UQCC6: variants seen among roughly 807,000 people sequenced by gnomAD.
UQCC6 encodes protein BRAWNIN.
At chr12:103,951,605 C>A in the UQCC6 span, 11 of 1,542,892 alleles carry the variant, frequency 7.1e-6, no homozygotes, top group Non-Finnish European at 9.6e-6. Context: ...GAGTTCTCCA[C>A]GCTTTGGTGG....
chr12:103,960,104 T>C, the UQCC6 span, among the ~76,000 whole-genome samples: 4 of 152,108 alleles, frequency 2.6e-5, no homozygotes, highest in African/African-American at 4.8e-5. Context: ...CATTCATTCA[T>C]TCTGAAACAG....
chr12:103,961,825 G>A, the UQCC6 span, among the ~76,000 whole-genome samples: 11 of 152,168 alleles, frequency 7.2e-5, no homozygotes, highest in African/African-American at 2.7e-4. Flanking sequence ...CTCCCAAAGT[G>A]CTGGGATTAC....
chr12:103,956,619 T>C, the UQCC6 span: 1 of 1,521,918 alleles, frequency 6.6e-7, no homozygotes. Flanking sequence ...ATAGTAGCCC[T>C]CCCGCACTCA....
At chr12:103,957,343 C>T in the UQCC6 span, 29,483 of 151,102 alleles carry the variant, frequency 0.2, 3,268 homozygotes, top group East Asian at 0.52. Flanking sequence ...CCGACACTTT[C>T]TCAGCCCCAG....
the UQCC6 span, chr12:103,955,643 T>G: frequency 4.7e-6 from 2 of 421,354 alleles, no homozygotes; most frequent in Non-Finnish European, 9.4e-6. Context: ...TTTTTTAAAA[T>G]TATTTTTCAA....
chr12:103,958,217 A>G, the UQCC6 span, among the ~76,000 whole-genome samples: 126 of 123,860 alleles, frequency 1.0e-3, no homozygotes, highest in Admixed American at 2.3e-3. Flanking sequence ...CTCCGTCTCA[A>G]AAAAAAAAAA....
At chr12:103,961,142 GTGTT>G in the UQCC6 span, among the ~76,000 whole-genome samples, 3 of 100,708 alleles carry the variant, frequency 3.0e-5, no homozygotes, top group Admixed American at 1.1e-4. Context: ...GCTAATGTGT[GTGTT>G]TGTGTCTTAA....
the UQCC6 span, chr12:103,954,680 C>G: frequency 2.3e-6 from 1 of 427,334 alleles, no homozygotes; most frequent in African/African-American, 2.0e-5. Flanking sequence ...TATCAGTGGA[C>G]ATTCAACAAC....
At chr12:103,956,523 G>A in the UQCC6 span, 2 of 744,206 alleles carry the variant, frequency 2.7e-6, no homozygotes, top group African/African-American at 3.5e-5. Flanking sequence ...GAATGGAGTG[G>A]TCCAGGAGCA....
At chr12:103,950,866 C>T in the UQCC6 span, 1 of 152,170 alleles carries the variant, frequency 6.6e-6, no homozygotes, top group African/African-American at 2.4e-5. Flanking sequence ...AGACCACTTA[C>T]TCTGTACCTG....
the UQCC6 span, among the ~76,000 whole-genome samples, chr12:103,953,014 G>A: frequency 2.6e-5 from 4 of 152,202 alleles, no homozygotes; most frequent in Non-Finnish European, 5.9e-5. Context: ...GAAAAAGGGA[G>A]TGGGGAGATA....
the UQCC6 span, among the ~76,000 whole-genome samples, chr12:103,952,871 T>A: frequency 2.0e-5 from 3 of 152,242 alleles, no homozygotes; most frequent in Admixed American, 2.0e-4. Flanking sequence ...CCTAGGAGCA[T>A]TTCAGGCAGA....
the UQCC6 span, chr12:103,965,700 C>A: frequency 9.3e-6 from 3 of 322,036 alleles, no homozygotes; most frequent in Admixed American, 9.9e-5. Context: ...TCCTAGTCCC[C>A]GTCTTCTGGT....
the UQCC6 span, chr12:103,953,490 C>G: frequency 1.4e-6 from 1 of 702,390 alleles, no homozygotes; most frequent in Non-Finnish European, 2.6e-6. Flanking sequence ...CGACTCTGCC[C>G]AGACCTTCCA....
the UQCC6 span, among the ~76,000 whole-genome samples, chr12:103,964,196 A>C: frequency 8.4e-6 from 1 of 119,470 alleles, no homozygotes; most frequent in Non-Finnish European, 1.6e-5. Flanking sequence ...TCTGTAGCCC[A>C]GGCTGGAGGG....
the UQCC6 span, among the ~76,000 whole-genome samples, chr12:103,963,472 T>A: frequency 6.6e-6 from 1 of 152,254 alleles, no homozygotes; most frequent in African/African-American, 2.4e-5. Context: ...CATTTCCATA[T>A]AAATTTTAGA....
chr12:103,951,275 C>T, the UQCC6 span: 5 of 332,888 alleles, frequency 1.5e-5, no homozygotes, highest in South Asian at 1.1e-4. Flanking sequence ...TATTCTATTT[C>T]GCGTTATATT....
At chr12:103,964,104 G>GTCCTCACC in the UQCC6 span, among the ~76,000 whole-genome samples, 1 of 119,566 alleles carries the variant, frequency 8.4e-6, no homozygotes, top group Non-Finnish European at 1.7e-5. Flanking sequence ...TAGGTTCAGT[G>GTCCTCACC]TCCTCACCGA....
the UQCC6 span, chr12:103,951,478 A>C: frequency 9.1e-7 from 1 of 1,099,674 alleles, no homozygotes. Context: ...TAAATTAAGA[A>C]ATACATATTT....
Sources: allele counts gnomAD v4.1 joint callset (sites outside exome capture counted in the v4.1 genomes callset), GRCh38; gene constraint gnomAD v4.1.1; transcripts MANE v1.5; gene names NCBI Gene and HGNC (gene_info 2026-07-23, HGNC 2026-07-21).